Variants in PRDM11 observed in about 807,000 individuals in gnomAD.
PRDM11 encodes PR domain-containing protein 11.
Under a neutral mutation model 97.8 loss-of-function variants are expected in PRDM11, and 20 were observed. The ratio of observed to expected loss-of-function variants is 0.20; its 90% CI spans 0.14 to 0.30. The LOEUF (loss-of-function observed/expected upper bound fraction) is 0.30, where lower values mean the gene tolerates loss of function less well. PRDM11 is among the 10% of genes least tolerant of loss of function. The pLI is 1.00. For synonymous variants in PRDM11, 599 were observed against 637.7 expected (o/e 0.94, Z 0.91); for missense variants, 1,139 against 1,555.2 (o/e 0.73, Z 4.50).
intron 1 of PRDM11, among the ~76,000 whole-genome samples, chr11:45,172,455 T>C (rs10838428): frequency 0.18 from 27,229 of 152,096 alleles, 3,015 homozygotes; most frequent in Non-Finnish European, 0.25. Flanking sequence ...CTCATTAGCA[T>C]AAACTCAGGT....
intron 5 of PRDM11, among the ~76,000 whole-genome samples, chr11:45,205,168 G>A (rs1207534107): frequency 6.6e-6 from 1 of 152,186 alleles, no homozygotes; most frequent in Non-Finnish European, 1.5e-5. Context: ...CCCAGCAGTT[G>A]TTTAAACAGC....
chr11:45,174,121 T>C (rs535734219), intron 1 of PRDM11, among the ~76,000 whole-genome samples: 1 of 152,306 alleles, frequency 6.6e-6, no homozygotes, highest in Non-Finnish European at 1.5e-5. Context: ...TAACTCTATT[T>C]AAATGGAATC....
At chr11:45,163,736 A>T (rs1371814411) in intron 1 of PRDM11, among the ~76,000 whole-genome samples, 1 of 152,166 alleles carries the variant, frequency 6.6e-6, no homozygotes, top group Non-Finnish European at 1.5e-5. Flanking sequence ...GCTTGCTGAT[A>T]CCTGTTATTC....
At chr11:45,191,257 A>G (rs933099713) in intron 4 of PRDM11, among the ~76,000 whole-genome samples, 1 of 152,180 alleles carries the variant, frequency 6.6e-6, no homozygotes, top group Non-Finnish European at 1.5e-5. Flanking sequence ...GGCACAAGCA[A>G]TGTTAGGTCT....
chr11:45,127,236 G>A (rs536148620), intron 1 of PRDM11, among the ~76,000 whole-genome samples: 32 of 152,174 alleles, frequency 2.1e-4, no homozygotes, highest in East Asian at 7.7e-4. Flanking sequence ...TTATACATTC[G>A]TCTAATTTTT....
chr11:45,165,034 T>C (rs1852025696), intron 1 of PRDM11, among the ~76,000 whole-genome samples: 1 of 152,144 alleles, frequency 6.6e-6, no homozygotes, highest in Admixed American at 6.5e-5. Flanking sequence ...TCATCCCCAT[T>C]TTATGTGGCA....
In PRDM11 at chr11:45,101,569, AGAAG is replaced by A. The variant is rs1259132572; in HGVS notation, c.96+5669_96+5672del. ...ACACTCTGTCTCAAAAAAAAAAAAA[AGAAG>A]AAGAAGAAGAAGAAGAAGAAGAAGA... On this transcript the variant is annotated intron_variant, in intron 1 of 6. Coordinates refer to the PRDM11 transcript ENST00000530656. Among the ~76,000 whole-genome samples, 66 of 118,746 alleles carry A rather than the reference AGAAG, an allele frequency of 5.6e-4. 3 individuals are homozygous for A. The highest frequency in any genetic ancestry group is 2.1e-3 in the African/African-American group (57 of 27,024). 77.9% of individuals were successfully genotyped at this position (118,746 alleles called of 152,430 possible).
At chr11:45,112,339 G>T (rs77566588) in intron 1 of PRDM11, among the ~76,000 whole-genome samples, 3,818 of 152,260 alleles carry the variant, frequency 0.025, 163 homozygotes, top group African/African-American at 0.088. Context: ...TCCACTGGTT[G>T]GTTGATGGGC....
intron 5 of PRDM11, chr11:45,208,945 C>T (rs1310177131): frequency 4.4e-6 from 2 of 456,704 alleles, no homozygotes; most frequent in Admixed American, 4.7e-5. Context: ...ATTCTTGTCA[C>T]AGAGGTGACC....
At chr11:45,212,931 C>T (rs1267638940) in intron 5 of PRDM11, 1 of 406,496 alleles carries the variant, frequency 2.5e-6, no homozygotes, top group East Asian at 7.2e-5. Context: ...CCTACGGGCT[C>T]CACTCCCCAG....
intron 4 of PRDM11, among the ~76,000 whole-genome samples, chr11:45,191,100 T>A (rs1337978263): frequency 6.6e-6 from 1 of 152,236 alleles, no homozygotes; most frequent in Admixed American, 6.5e-5. Context: ...ATTAGTCTCC[T>A]TTATTCTAGA....
chr11:45,147,133 GC>G (rs1448240189), intron 1 of PRDM11, among the ~76,000 whole-genome samples: 5 of 151,436 alleles, frequency 3.3e-5, no homozygotes, highest in South Asian at 4.1e-4. Flanking sequence ...GCCGGGGGCC[GC>G]CCTCCGCCTC....
intron 1 of PRDM11, among the ~76,000 whole-genome samples, chr11:45,117,367 G>A (rs1339463606): frequency 3.1e-4 from 47 of 152,140 alleles, no homozygotes; most frequent in Non-Finnish European, 1.5e-5. Context: ...AGTCACTGAT[G>A]CAATAAATTC....
rs1404116884 is a variant in PRDM11, at chr11:45,231,089, C to A, written c.*2930C>A. ...TAGGGCATCCCTAAAACTCTGGGTGCTTGTGGCTTCTGCTGAATTTAGCCA... is the reference window on the plus strand; with the variant it reads ...TAGGGCATCCCTAAAACTCTGGGTGATTGTGGCTTCTGCTGAATTTAGCCA... On this transcript the variant is annotated 3_prime_UTR_variant, in exon 8 of 8. Coordinates refer to ENST00000683152, the MANE Select transcript of PRDM11 (RefSeq NM_001384648.1). The A allele has an allele frequency of 1.3e-5, 2 of 152,220 alleles. No individual in the cohort carries two copies. The highest frequency in any genetic ancestry group is 2.9e-5 in the Non-Finnish European group (2 of 68,056). 9.4% of individuals were successfully genotyped at this position (152,220 alleles called of 1,614,324 possible).
At chr11:45,126,923 G>T (rs1852588440) in intron 1 of PRDM11, among the ~76,000 whole-genome samples, 1 of 152,226 alleles carries the variant, frequency 6.6e-6, no homozygotes, top group Non-Finnish European at 1.5e-5. Context: ...ATAATATCCT[G>T]CAGAGTGTTT....
At chr11:45,132,848 A>G (rs887466341) in intron 1 of PRDM11, among the ~76,000 whole-genome samples, 1 of 152,178 alleles carries the variant, frequency 6.6e-6, no homozygotes, top group Admixed American at 6.5e-5. Context: ...TGATGAGTAT[A>G]CTTCTCCAAT....
rs1854265146 is a variant in PRDM11, at chr11:45,226,009, G to T, written c.1384G>T (p.Val462Phe). Residue 462 changes from valine to phenylalanine, a missense_variant, in exon 8 of 8, where the codon GTC (valine) becomes TTC (phenylalanine). This residue lies in a region of PRDM11 where 710 missense variants were observed against 1,044.9 expected (regional missense o/e 0.68). Coordinates refer to ENST00000683152, the MANE Select transcript of PRDM11 (RefSeq NM_001384648.1). ...FSDPAASESM[V>F]SGPAIMEDDD... is the part of the protein sequence containing the mutation. ...TTGTTTTTCAGCCTCAGAAAGCATG[G>T]TCTCCGGCCCCGCCATCATGGAGGA... 6.7e-7 allele frequency: 1 copy of T among 1,501,214 alleles called. No individual in the cohort carries two copies. Among genetic ancestry groups the T allele is most frequent in the African/African-American group, 1.4e-5 (1 of 72,086 alleles). 93.0% of individuals were successfully genotyped at this position (1,501,214 alleles called of 1,614,324 possible).
At chr11:45,170,306 G>A (rs11038339) in intron 1 of PRDM11, among the ~76,000 whole-genome samples, 26,956 of 151,858 alleles carry the variant, frequency 0.18, 2,985 homozygotes, top group Non-Finnish European at 0.25. Context: ...TCACACCACT[G>A]CACTCCAGCC....
chr11:45,148,118 C>T (rs1235504542), intron 1 of PRDM11, among the ~76,000 whole-genome samples: 1 of 152,122 alleles, frequency 6.6e-6, no homozygotes, highest in African/African-American at 2.4e-5. Context: ...TGCCCGCCGA[C>T]TCTCTGAAAG....
Sources: gnomAD v4.1 joint callset for allele counts (sites outside exome capture counted in the v4.1 genomes callset) on GRCh38, gnomAD v4.1.1 for gene constraint, gnomAD v4.1.1 regional missense constraint, MANE v1.5 for transcripts, NCBI Gene and HGNC (gene_info 2026-07-23, HGNC 2026-07-21) for gene names.